Variants in FTO observed in about 807,000 individuals in gnomAD.
FTO encodes alpha-ketoglutarate-dependent dioxygenase FTO.
In FTO, 47 loss-of-function variants were observed where a neutral mutation model predicts 63.9. That is an observed-to-expected ratio of 0.74 (90% CI 0.58 to 0.94). FTO has a LOEUF of 0.94. Among genes scored for constraint, FTO ranks in the 40% least tolerant of loss-of-function variants. FTO has a pLI of 0.00. For missense variants in FTO, 562 were observed against 618.1 expected, an observed-to-expected ratio of 0.91 and a Z score of 0.96; for synonymous variants, 207 against 224.4, an observed-to-expected ratio of 0.92 and a Z score of 0.69.
In FTO at chr16:53,726,051, C is replaced by T. The variant is rs139181723; in HGVS notation, c.45+21822C>T. ...AGGTTATATGTTAATGCACACACAT[C>T]TTAATACAATCATGTATTTCTACTA... is the stretch of plus-strand genomic sequence containing the variant. On this transcript the variant is annotated intron_variant, in intron 1 of 8. Coordinates refer to ENST00000471389, the MANE Select transcript of FTO (RefSeq NM_001080432.3). Among the ~76,000 whole-genome samples, 557 of 152,230 alleles carry T rather than the reference C, an allele frequency of 3.7e-3. 6 individuals carry two copies. The highest frequency in any genetic ancestry group is 0.013 in the African/African-American group (534 of 41,536).
intron 8 of FTO, among the ~76,000 whole-genome samples, chr16:54,012,555 C>T (rs887612297): frequency 4.6e-5 from 7 of 152,162 alleles, no homozygotes; most frequent in Non-Finnish European, 1.0e-4. Context: ...AAGAAGATGC[C>T]ATGTAGCATT....
intron 1 of FTO, among the ~76,000 whole-genome samples, chr16:53,753,832 G>C (rs181781905): frequency 1.3e-5 from 2 of 152,170 alleles, no homozygotes; most frequent in African/African-American, 4.8e-5. Context: ...CCTATCACAT[G>C]AAGCTAGGAT....
chr16:54,065,060 G>T lies in FTO; in HGVS notation c.1365-46702G>T, dbSNP rs553499093. On this transcript the variant is annotated intron_variant, in intron 8 of 8. Coordinates refer to ENST00000471389, the MANE Select transcript of FTO (RefSeq NM_001080432.3). Reference sequence around the variant, plus strand: ...TGGCCACTGTCAGGCACCAAGGCACGTACCACTGAGGCTGGGGACAGCTGA... The same window carrying T: ...TGGCCACTGTCAGGCACCAAGGCACTTACCACTGAGGCTGGGGACAGCTGA... 4.6e-5 allele frequency among the ~76,000 whole-genome samples: 7 copies of T among 151,792 alleles called. No individual in the cohort carries two copies. In the South Asian group the frequency reaches 1.5e-3, roughly 32 times the overall value.
At chr16:54,054,015 G>GT (rs200873563) in intron 8 of FTO, among the ~76,000 whole-genome samples, 40 of 148,706 alleles carry the variant, frequency 2.7e-4, no homozygotes, top group African/African-American at 5.7e-4. Flanking sequence ...CCTGGTGTCG[G>GT]TTTTTTTTTT....
intron 1 of FTO, among the ~76,000 whole-genome samples, chr16:53,802,203 A>G (rs2151716275): frequency 6.6e-6 from 1 of 152,340 alleles, no homozygotes; most frequent in Non-Finnish European, 1.5e-5. Flanking sequence ...GGCATGTCGC[A>G]TTTGCATATA....
chr16:53,825,227 A>C (rs1370622793), intron 2 of FTO, among the ~76,000 whole-genome samples: 1 of 152,124 alleles, frequency 6.6e-6, no homozygotes, highest in Non-Finnish European at 1.5e-5. Context: ...TCTTTTTGTG[A>C]AAGTGTTAAG....
intron 8 of FTO, among the ~76,000 whole-genome samples, chr16:53,950,529 A>G (rs1257288521): frequency 6.6e-6 from 1 of 152,232 alleles, no homozygotes; most frequent in African/African-American, 2.4e-5. Flanking sequence ...CAGAGGAAAA[A>G]TAAACAGAAC....
At position 53,791,284 on chromosome 16, in the gene FTO, A is replaced by G. The variant is rs145498393; in HGVS notation, c.46-18856A>G. Reference sequence around the variant, plus strand: ...GATGCAGATAGGGAATCTCAGGCACATAGAGGTTAAGTAACTTGCTCAAGG... The same window carrying G: ...GATGCAGATAGGGAATCTCAGGCACGTAGAGGTTAAGTAACTTGCTCAAGG... On this transcript the variant is annotated intron_variant, in intron 1 of 8. Coordinates refer to ENST00000471389, the MANE Select transcript of FTO (RefSeq NM_001080432.3). Among the ~76,000 whole-genome samples the G allele has an allele frequency of 1.9e-3, 294 of 152,358 alleles. 2 individuals carry two copies. The highest frequency in any genetic ancestry group is 3.9e-3 in the South Asian group (19 of 4,828).
intron 4 of FTO, among the ~76,000 whole-genome samples, chr16:53,855,646 CTT>C (rs1456694336): frequency 6.6e-6 from 1 of 152,060 alleles, no homozygotes; most frequent in Non-Finnish European, 1.5e-5. Flanking sequence ...TTTGAAATTC[CTT>C]CTCAAACAGA....
At chr16:53,732,056 T>A (rs1192509920) in intron 1 of FTO, among the ~76,000 whole-genome samples, 2 of 141,848 alleles carry the variant, frequency 1.4e-5, no homozygotes, top group Admixed American at 7.0e-5. Context: ...TTTTTTTTTT[T>A]TTTTTTTTTT....
At chr16:53,844,616 C>T (rs1175000965) in intron 4 of FTO, among the ~76,000 whole-genome samples, 1 of 152,028 alleles carries the variant, frequency 6.6e-6, no homozygotes, top group Admixed American at 6.5e-5. Flanking sequence ...CACACCAACA[C>T]ACCCAGTTAA....
intron 8 of FTO, among the ~76,000 whole-genome samples, chr16:54,062,784 G>A (rs1016282864): frequency 3.9e-5 from 6 of 152,194 alleles, no homozygotes; most frequent in African/African-American, 7.2e-5. Flanking sequence ...TTGACACACA[G>A]GATGAATCCA....
intron 7 of FTO, among the ~76,000 whole-genome samples, chr16:53,930,835 A>G (rs1424528764): frequency 1.3e-5 from 2 of 152,248 alleles, no homozygotes; most frequent in African/African-American, 4.8e-5. Context: ...GATAAAGCAC[A>G]TAACTATTTC....
At chr16:54,075,239 T>A (rs1443883333) in intron 8 of FTO, among the ~76,000 whole-genome samples, 1 of 152,170 alleles carries the variant, frequency 6.6e-6, no homozygotes, top group Non-Finnish European at 1.5e-5. Flanking sequence ...ATTTTTCATG[T>A]AGACATGAAG....
At chr16:54,049,316 G>A (rs1308461209) in intron 8 of FTO, among the ~76,000 whole-genome samples, 1 of 152,134 alleles carries the variant, frequency 6.6e-6, no homozygotes, top group African/African-American at 2.4e-5. Context: ...ATCAGCACAG[G>A]GAAGAGAGAC....
intron 1 of FTO, among the ~76,000 whole-genome samples, chr16:53,754,592 C>G (rs112260839): frequency 6.6e-6 from 1 of 151,994 alleles, no homozygotes; most frequent in Admixed American, 6.5e-5. Context: ...GAGCTGAGAT[C>G]GCACCACTGC....
At chr16:54,068,689 ATTGATT>A (rs2085789364) in intron 8 of FTO, among the ~76,000 whole-genome samples, 3 of 152,258 alleles carry the variant, frequency 2.0e-5, no homozygotes, top group Admixed American at 2.0e-4. Context: ...ATTTAATAAT[ATTGATT>A]TTATCATTTT....
chr16:54,060,558 A>G (rs2085545509), intron 8 of FTO, among the ~76,000 whole-genome samples: 1 of 152,236 alleles, frequency 6.6e-6, no homozygotes, highest in Admixed American at 6.5e-5. Context: ...TTTGAATCCA[A>G]TCAGTGTAGC....
intron 8 of FTO, among the ~76,000 whole-genome samples, chr16:53,946,269 G>A (rs2082648896): frequency 6.6e-6 from 1 of 152,176 alleles, no homozygotes; most frequent in Admixed American, 6.5e-5. Context: ...TGTTTAGAAT[G>A]TTCAGGACTT....
Sources: gnomAD v4.1 joint callset for allele counts (sites outside exome capture counted in the v4.1 genomes callset) on GRCh38, gnomAD v4.1.1 for gene constraint, MANE v1.5 for transcripts, NCBI Gene and HGNC (gene_info 2026-07-23, HGNC 2026-07-21) for gene names.